The following COL26A1 variants were observed in gnomAD, a reference collection of about 807,000 sequenced individuals.
COL26A1 encodes the protein collagen type XXVI alpha 1 chain.
In COL26A1, 41 loss-of-function variants were observed where a neutral mutation model predicts 59.3. The observed-to-expected ratio is 0.69, with a 90% confidence interval of 0.54 to 0.90. The LOEUF (loss-of-function observed/expected upper bound fraction) is 0.90, where lower values mean the gene tolerates loss of function less well. Among genes scored for constraint, COL26A1 ranks in the 40% least tolerant of loss-of-function variants. The probability of loss-of-function intolerance (pLI) is 0.00; values close to 1 mark genes in which losing one functional copy is unlikely to be tolerated. For synonymous variants in COL26A1, 266 were observed against 256.0 expected, an observed-to-expected ratio of 1.04 and a Z score of -0.37; for missense variants, 612 against 602.3, an observed-to-expected ratio of 1.02 and a Z score of -0.17.
intron 1 of COL26A1, among the ~76,000 whole-genome samples, chr7:101,419,710 T>A (rs142685499): frequency 1.4e-3 from 210 of 152,302 alleles, no homozygotes; most frequent in African/African-American, 4.7e-3. Context: ...AGGGTGAGAT[T>A]TCCACGGGCA....
At chr7:101,489,136 C>T (rs897388210) in intron 3 of COL26A1, among the ~76,000 whole-genome samples, 5 of 152,142 alleles carry the variant, frequency 3.3e-5, no homozygotes, top group African/African-American at 7.2e-5. Context: ...ATCTTTGACA[C>T]ATGTTCATTT....
chr7:101,414,071 C>T (rs1792311491), intron 1 of COL26A1, among the ~76,000 whole-genome samples: 1 of 152,136 alleles, frequency 6.6e-6, no homozygotes, highest in Non-Finnish European at 1.5e-5. Flanking sequence ...ACAACCGCGG[C>T]TACCTGGGGA....
At chr7:101,524,668 T>C (rs577364303) in intron 3 of COL26A1, among the ~76,000 whole-genome samples, 1 of 152,398 alleles carries the variant, frequency 6.6e-6, no homozygotes, top group South Asian at 2.1e-4. Flanking sequence ...TTTAGTCCTA[T>C]GTAATTTCAT....
At chr7:101,432,829 A>G (rs896647279) in intron 2 of COL26A1, among the ~76,000 whole-genome samples, 1 of 151,932 alleles carries the variant, frequency 6.6e-6, no homozygotes, top group African/African-American at 2.4e-5. Flanking sequence ...CAGCCTCCCT[A>G]GTAGCTGGGA....
At chr7:101,404,253 A>G (rs920981332) in intron 1 of COL26A1, among the ~76,000 whole-genome samples, 3 of 152,236 alleles carry the variant, frequency 2.0e-5, no homozygotes, top group Admixed American at 1.3e-4. Flanking sequence ...CTCTGCAGCC[A>G]CTCACTTCTC....
chr7:101,465,453 A>T (rs1290128378), intron 3 of COL26A1, among the ~76,000 whole-genome samples: 3 of 152,072 alleles, frequency 2.0e-5, no homozygotes, highest in African/African-American at 7.2e-5. Flanking sequence ...GTGCTTTCAG[A>T]TTACAGGTGT....
At chr7:101,417,497 CTTT>C (rs763020003) in intron 1 of COL26A1, among the ~76,000 whole-genome samples, 1 of 133,864 alleles carries the variant, frequency 7.5e-6, no homozygotes, top group Non-Finnish European at 1.6e-5. Context: ...TGCCTAATAT[CTTT>C]TTTTTTTTTT....
At chr7:101,499,389 A>G (rs1447167034) in intron 3 of COL26A1, among the ~76,000 whole-genome samples, 1 of 152,118 alleles carries the variant, frequency 6.6e-6, no homozygotes. Flanking sequence ...AAAATATATA[A>G]AAATTAGCCA....
intron 1 of COL26A1, among the ~76,000 whole-genome samples, chr7:101,396,421 A>G (rs936433696): frequency 2.6e-5 from 4 of 151,836 alleles, no homozygotes; most frequent in African/African-American, 9.7e-5. Context: ...TGACTACTCC[A>G]AGCCCCATAG....
At chr7:101,375,647 C>T (rs868775555) in intron 1 of COL26A1, among the ~76,000 whole-genome samples, 5 of 151,152 alleles carry the variant, frequency 3.3e-5, no homozygotes, top group Middle Eastern at 3.4e-3. Flanking sequence ...TGAGACCAGC[C>T]TGGGCAACAT....
chr7:101,471,569 T>TG (rs1562997578), intron 3 of COL26A1, among the ~76,000 whole-genome samples: 2 of 133,066 alleles, frequency 1.5e-5, no homozygotes, highest in African/African-American at 3.1e-5. Flanking sequence ...TTGTTGTTGT[T>TG]TGTTTTTTTT....
chr7:101,483,369 T>G (rs1794196447), intron 3 of COL26A1, among the ~76,000 whole-genome samples: 1 of 151,542 alleles, frequency 6.6e-6, no homozygotes, highest in South Asian at 2.1e-4. Context: ...GGCTAATTTT[T>G]GTATTTTTAG....
At chr7:101,517,675 AC>A (rs1275329928) in intron 3 of COL26A1, among the ~76,000 whole-genome samples, 1 of 151,988 alleles carries the variant, frequency 6.6e-6, no homozygotes, top group Non-Finnish European at 1.5e-5. Flanking sequence ...ACACAGCCAA[AC>A]CATTTCACCA....
chr7:101,540,766 G>A (rs939614266), intron 5 of COL26A1, among the ~76,000 whole-genome samples: 2 of 152,054 alleles, frequency 1.3e-5, no homozygotes, highest in African/African-American at 4.8e-5. Flanking sequence ...TGCTTGAGCT[G>A]GGGAGGTGGA....
At chr7:101,544,528 CT>C (rs58206894) in intron 6 of COL26A1, among the ~76,000 whole-genome samples, 2,675 of 98,558 alleles carry the variant, frequency 0.027, 88 homozygotes, top group African/African-American at 0.11. Context: ...CCTCACCTGG[CT>C]TTTTTTTTTT....
chr7:101,366,550 G>A (rs984793143), intron 1 of COL26A1, among the ~76,000 whole-genome samples: 13 of 133,926 alleles, frequency 9.7e-5, no homozygotes, highest in Non-Finnish European at 1.8e-4. Context: ...ACCCAGGCAG[G>A]AGCGTAATGG....
intron 1 of COL26A1, among the ~76,000 whole-genome samples, chr7:101,406,480 C>T (rs946614476): frequency 5.3e-5 from 8 of 152,122 alleles, no homozygotes; most frequent in Admixed American, 4.6e-4. Flanking sequence ...CCAATTTGCT[C>T]GATGGCAGAC....
At chr7:101,494,822 G>T (rs1430966983) in intron 3 of COL26A1, among the ~76,000 whole-genome samples, 2 of 152,184 alleles carry the variant, frequency 1.3e-5, no homozygotes, top group African/African-American at 4.8e-5. Flanking sequence ...GCCATGGCTG[G>T]GAGCACAGGC....
At chr7:101,521,111 A>G (rs1178102628) in intron 3 of COL26A1, among the ~76,000 whole-genome samples, 2 of 152,188 alleles carry the variant, frequency 1.3e-5, no homozygotes. Flanking sequence ...GCGTGTCTTC[A>G]CAAGGCAGCA....
Sources: allele counts gnomAD v4.1 joint callset (sites outside exome capture counted in the v4.1 genomes callset), GRCh38; gene constraint gnomAD v4.1.1; transcripts MANE v1.5; gene names NCBI Gene and HGNC (gene_info 2026-07-23, HGNC 2026-07-21).